MAGI1: variants seen among roughly 807,000 people sequenced by gnomAD.
The protein encoded by MAGI1 is membrane associated guanylate kinase, WW and PDZ domain containing 1, also known as membrane-associated guanylate kinase, WW and PDZ domain-containing protein 1.
A neutral mutation model predicts 139.9 loss-of-function variants in MAGI1; 58 were observed. That is an observed-to-expected ratio of 0.41 (90% CI 0.34 to 0.52). MAGI1 has a LOEUF of 0.52. Ranked by LOEUF, MAGI1 falls within the 20% of genes least tolerant of loss-of-function variation. MAGI1 has a pLI of 0.12. For missense variants in MAGI1, 1,874 were observed against 1,901.6 expected (o/e 0.99, Z 0.27); for synonymous variants, 812 against 737.9 (o/e 1.10, Z -1.63).
chr3:65,825,171 A>C (rs2042156460), intron 1 of MAGI1, among the ~76,000 whole-genome samples: 1 of 152,216 alleles, frequency 6.6e-6, no homozygotes, highest in Non-Finnish European at 1.5e-5. Flanking sequence ...GGGAAAACTA[A>C]TTTAAGCATG....
intron 20 of MAGI1, among the ~76,000 whole-genome samples, chr3:65,364,165 TAAAAAAAAAAAAA>T (rs555186167): frequency 5.6e-5 from 5 of 89,422 alleles, no homozygotes; most frequent in African/African-American, 2.2e-4. Context: ...CCCTGTCTCT[TAAAAAAAAAAAAA>T]AAAAAAAAAA....
At chr3:65,908,372 C>T (rs1415009430) in intron 1 of MAGI1, among the ~76,000 whole-genome samples, 2 of 151,968 alleles carry the variant, frequency 1.3e-5, no homozygotes, top group Non-Finnish European at 2.9e-5. Flanking sequence ...GGTGCAATCT[C>T]AGCTCACTGC....
chr3:65,824,725 C>G (rs1232711473), intron 1 of MAGI1, among the ~76,000 whole-genome samples: 3 of 152,318 alleles, frequency 2.0e-5, no homozygotes, highest in Non-Finnish European at 2.9e-5. Flanking sequence ...GCATTCAGAG[C>G]TTGGGGGTTT....
intron 1 of MAGI1, among the ~76,000 whole-genome samples, chr3:65,841,054 T>C (rs1418852861): frequency 6.6e-6 from 1 of 152,198 alleles, no homozygotes; most frequent in African/African-American, 2.4e-5. Flanking sequence ...GTCATGAAAT[T>C]GATATGCGCA....
At chr3:65,837,251 G>A (rs2042863617) in intron 1 of MAGI1, among the ~76,000 whole-genome samples, 1 of 152,194 alleles carries the variant, frequency 6.6e-6, no homozygotes, top group Non-Finnish European at 1.5e-5. Context: ...GCAGATGTGT[G>A]CCTGCCTGGC....
intron 5 of MAGI1, among the ~76,000 whole-genome samples, chr3:65,454,102 T>C (rs992792496): frequency 2.6e-5 from 4 of 152,008 alleles, no homozygotes; most frequent in Non-Finnish European, 4.4e-5. Flanking sequence ...ACCAGAATGG[T>C]TGGAAGCATT....
chr3:65,619,105 C>T (rs1464756792), intron 2 of MAGI1, among the ~76,000 whole-genome samples: 1 of 152,144 alleles, frequency 6.6e-6, no homozygotes, highest in Non-Finnish European at 1.5e-5. Context: ...ACACTTTAAA[C>T]AGGTAAGTTG....
chr3:65,529,434 T>A, intron 2 of MAGI1, among the ~76,000 whole-genome samples: 1 of 152,326 alleles, frequency 6.6e-6, no homozygotes, highest in African/African-American at 2.4e-5. Flanking sequence ...TTCATACAAA[T>A]GGAATGATAC....
At chr3:66,008,483 C>A (rs557446808) in intron 1 of MAGI1, among the ~76,000 whole-genome samples, 1 of 152,294 alleles carries the variant, frequency 6.6e-6, no homozygotes, top group African/African-American at 2.4e-5. Flanking sequence ...GCCCTTGACC[C>A]TCACGCAGCT....
intron 5 of MAGI1, 186 bp downstream of exon 5, chr3:65,470,097 T>C (rs1239114958): frequency 7.7e-6 from 4 of 519,364 alleles, no homozygotes; most frequent in African/African-American, 1.9e-5. Context: ...CCTCAAACTG[T>C]TGAGAATCGA....
intron 1 of MAGI1, among the ~76,000 whole-genome samples, chr3:65,891,693 G>C (rs141003777): frequency 7.3e-6 from 1 of 136,582 alleles, no homozygotes; most frequent in East Asian, 2.2e-4. Flanking sequence ...TAGCCCTAAG[G>C]TGTTGGAAGA....
intron 2 of MAGI1, among the ~76,000 whole-genome samples, chr3:65,557,757 A>G (rs532805425): frequency 7.5e-4 from 114 of 152,302 alleles, no homozygotes; most frequent in African/African-American, 2.7e-3. Context: ...ACAGGCCTCA[A>G]AAACATTAGG....
At chr3:66,012,361 A>G (rs548222836) in intron 1 of MAGI1, among the ~76,000 whole-genome samples, 1 of 152,164 alleles carries the variant, frequency 6.6e-6, no homozygotes, top group African/African-American at 2.4e-5. Context: ...ATTCATTCCA[A>G]GTTTTTCCTA....
chr3:65,778,251 G>A (rs954711539), intron 1 of MAGI1, among the ~76,000 whole-genome samples: 2 of 151,960 alleles, frequency 1.3e-5, no homozygotes, highest in Non-Finnish European at 2.9e-5. Context: ...CCAACATGGT[G>A]AAACTTTGTC....
intron 1 of MAGI1, among the ~76,000 whole-genome samples, chr3:65,692,669 T>C (rs535393866): frequency 6.6e-6 from 1 of 152,268 alleles, no homozygotes; most frequent in South Asian, 2.1e-4. Flanking sequence ...GGTGGGACCT[T>C]TGGCAAGTGA....
chr3:65,723,873 G>C (rs951275886), intron 1 of MAGI1, among the ~76,000 whole-genome samples: 1 of 152,196 alleles, frequency 6.6e-6, no homozygotes, highest in Non-Finnish European at 1.5e-5. Context: ...TCTTTAGTGA[G>C]ATTCAGCATG....
chr3:65,413,693 T>C (rs1475644731), intron 12 of MAGI1, among the ~76,000 whole-genome samples: 1 of 152,154 alleles, frequency 6.6e-6, no homozygotes, highest in South Asian at 2.1e-4. Context: ...AGCTATTAGA[T>C]TTCAGGTTTC....
At chr3:65,448,383 C>A (rs1948802631) in intron 6 of MAGI1, 4 of 461,198 alleles carry the variant, frequency 8.7e-6, no homozygotes, top group Non-Finnish European at 1.6e-5. Context: ...TATTACAGAC[C>A]TTATTGGGAG....
intron 11 of MAGI1, 103 bp from the exon 12 acceptor site, chr3:65,430,243 G>T: frequency 1.7e-6 from 2 of 1,188,902 alleles, no homozygotes; most frequent in Non-Finnish European, 2.4e-6. Flanking sequence ...GAAACTGCAT[G>T]TGGGTGTGAT....
Sources: gnomAD v4.1 joint callset for allele counts (sites outside exome capture counted in the v4.1 genomes callset) on GRCh38, gnomAD v4.1.1 for gene constraint, MANE v1.5 for transcripts, NCBI Gene and HGNC (gene_info 2026-07-23, HGNC 2026-07-21) for gene names.